The following RICTOR variants were observed in gnomAD, a reference collection of about 807,000 sequenced individuals.
RICTOR encodes the protein rapamycin-insensitive companion of mTOR.
A neutral mutation model predicts 214.9 loss-of-function variants in RICTOR; 49 were observed. The observed-to-expected ratio is 0.23, with a 90% CI of 0.18 to 0.29. The LOEUF is 0.29. Ranked by LOEUF, RICTOR falls within the 10% of genes least tolerant of loss-of-function variation. RICTOR has a pLI of 1.00. For synonymous variants in RICTOR, 717 were observed against 711.3 expected (o/e 1.01, Z -0.13); for missense variants, 1,625 against 2,047.0 (o/e 0.79, Z 3.98).
At chr5:39,010,427 G>C (rs1754417236) in intron 3 of RICTOR, among the ~76,000 whole-genome samples, 1 of 152,202 alleles carries the variant, frequency 6.6e-6, no homozygotes, top group Admixed American at 6.5e-5. Flanking sequence ...ACCACAGAGA[G>C]TGGGGCACTG....
Position 38,962,597 on chromosome 5 carries a change from C to T in RICTOR, c.1567-11G>A. On this transcript the variant is annotated splice_polypyrimidine_tract_variant and intron_variant, in intron 17 of 37. Transcript: ENST00000357387. ...AGCTTCCTCTGTATCCTAAAATCAT[C>T]AGAAAGTAATAAGAAAAATTAAGGC... 1.4e-6 allele frequency: 2 copies of T among 1,405,606 alleles called. No homozygotes were observed. Among genetic ancestry groups the T allele is most frequent in the Non-Finnish European group, 2.0e-6 (2 of 1,019,904 alleles). 87.1% of individuals were successfully genotyped at this position (1,405,606 alleles called of 1,614,324 possible).
chr5:38,975,804 C>T (rs1280704040), intron 9 of RICTOR, among the ~76,000 whole-genome samples, 200 bp from the exon 10 acceptor site: 4 of 152,184 alleles, frequency 2.6e-5, no homozygotes, highest in African/African-American at 4.8e-5. Context: ...CTCACAACAT[C>T]GTTTAAGTCA....
intron 19 of RICTOR, among the ~76,000 whole-genome samples, chr5:38,961,992 T>C (rs1749833802): frequency 6.6e-6 from 1 of 152,064 alleles, no homozygotes; most frequent in Non-Finnish European, 1.5e-5. Context: ...ATTAAAAATA[T>C]AAGTCCTTAT....
At chr5:38,986,381 G>C (rs1458004738) in intron 7 of RICTOR, among the ~76,000 whole-genome samples, 1 of 152,082 alleles carries the variant, frequency 6.6e-6, no homozygotes, top group Non-Finnish European at 1.5e-5. Flanking sequence ...TCATAATAGT[G>C]TGAAAATGAA....
rs1280492323 is a variant in RICTOR at position 38,944,552 on chromosome 5, C to T, written c.4807G>A (p.Asp1603Asn). Residue 1603 changes from aspartate to asparagine, a missense_variant, in exon 36 of 38, where the codon GAT becomes AAT. Physicochemically the swap from Asp to Asn is conservative, Grantham distance 23. Coordinates refer to ENST00000357387, the MANE Select transcript of RICTOR (RefSeq NM_152756.5). Reference sequence around the variant, plus strand: ...AGTATACGGCACATTGGTGTATCATCTGGAATTGTTTTAACACCTGAAAAG... The same window carrying T: ...AGTATACGGCACATTGGTGTATCATTTGGAATTGTTTTAACACCTGAAAAG... ...ELLLGVKTIPDDTPMCRILLR... is the reference protein window; with the variant it reads ...ELLLGVKTIPNDTPMCRILLR... The T allele has an allele frequency of 5.0e-6, 8 of 1,601,766 alleles. No individual in the cohort carries two copies. Among genetic ancestry groups the T allele is most frequent in the Non-Finnish European group, 6.0e-6 (7 of 1,176,206 alleles).
rs1750224445 is a variant in RICTOR, at chr5:38,966,418, AT to A, written c.1299+222del. ...ACTTTGCATGTTGTATATTTATTCC[AT>A]TTACAAAACCAATCAAAATATGCAT... On this transcript the variant is annotated intron_variant, in intron 15 of 37. Coordinates refer to ENST00000357387, the MANE Select transcript of RICTOR (RefSeq NM_152756.5). 2.0e-5 allele frequency among the ~76,000 whole-genome samples: 3 copies of A among 152,384 alleles called. No individual in the cohort carries two copies. In the South Asian group the frequency reaches 6.2e-4, roughly 32 times the overall value.
chr5:38,942,447 A>T (rs77756526), intron 37 of RICTOR, 69 bp from the exon 38 acceptor site: 1 of 850,874 alleles, frequency 1.2e-6, no homozygotes, highest in Non-Finnish European at 1.7e-6. Flanking sequence ...TTATATAAAT[A>T]TCTAATTTTT....
chr5:39,026,022 G>A (rs952593639), intron 2 of RICTOR, among the ~76,000 whole-genome samples: 4 of 152,132 alleles, frequency 2.6e-5, no homozygotes, highest in Admixed American at 2.0e-4. Context: ...GAAACTTAAA[G>A]AGAGGTTTAC....
intron 3 of RICTOR, among the ~76,000 whole-genome samples, chr5:39,007,822 T>C (rs1754196037): frequency 6.7e-6 from 1 of 150,364 alleles, no homozygotes; most frequent in African/African-American, 2.4e-5. Context: ...TTAAATATTG[T>C]ATATTACTAT....
intron 9 of RICTOR, among the ~76,000 whole-genome samples, chr5:38,977,107 G>C (rs1751300796): frequency 6.6e-6 from 1 of 152,260 alleles, no homozygotes. Flanking sequence ...TGCCTTTGCA[G>C]AGGGAGAAGA....
chr5:38,951,258 C>T (rs1748763315), intron 30 of RICTOR, among the ~76,000 whole-genome samples: 1 of 151,880 alleles, frequency 6.6e-6, no homozygotes, highest in Non-Finnish European at 1.5e-5. Flanking sequence ...ATTTAGTGCC[C>T]AATTCTACTA....
intron 7 of RICTOR, among the ~76,000 whole-genome samples, chr5:38,989,009 A>C (rs950160361): frequency 6.6e-6 from 1 of 152,006 alleles, no homozygotes; most frequent in Non-Finnish European, 1.5e-5. Context: ...ATTGGAAAAA[A>C]TACTTTAAAT....
intron 26 of RICTOR, among the ~76,000 whole-genome samples, chr5:38,955,162 T>G (rs1749150055): frequency 6.6e-6 from 1 of 152,028 alleles, no homozygotes; most frequent in African/African-American, 2.4e-5. Context: ...TAACACTGCA[T>G]AAAATTATGT....
chr5:39,027,008 C>T (rs765352523), intron 2 of RICTOR, among the ~76,000 whole-genome samples: 3 of 151,484 alleles, frequency 2.0e-5, no homozygotes, highest in Non-Finnish European at 4.4e-5. Context: ...AACCCCATCT[C>T]AAAAAAATAA....
intron 7 of RICTOR, among the ~76,000 whole-genome samples, chr5:38,984,491 C>CT (rs149264112): frequency 6.6e-6 from 1 of 152,034 alleles, no homozygotes; most frequent in Non-Finnish European, 1.5e-5. Context: ...GAAAAATTAT[C>CT]TTTGAGTATA....
At chr5:39,043,746 G>T (rs1279717969) in intron 2 of RICTOR, among the ~76,000 whole-genome samples, 1 of 152,136 alleles carries the variant, frequency 6.6e-6, no homozygotes, top group East Asian at 1.9e-4. Flanking sequence ...GAGGTGACTG[G>T]ATCATGAAGG....
rs565038430 is a variant in RICTOR at position 38,942,680 on chromosome 5, T to C, written c.5052+153A>G. On this transcript the variant is annotated intron_variant, in intron 37 of 37. Transcript: ENST00000357387. ...TATGTTGCCCAGGCTGGTCTTGAAT[T>C]CCTGGGCTCAAGCAATTCTCCCGCG... 5.3e-5 allele frequency among the ~76,000 whole-genome samples: 8 copies of C among 151,732 alleles called. No homozygotes were observed. The South Asian group carries it at 1.7e-3, about 32-fold the overall frequency.
Position 38,977,774 on chromosome 5 carries a change from ACGGG to A in RICTOR, c.821+805_821+808del. Among the ~76,000 whole-genome samples, 5 of 151,774 alleles carry A rather than the reference ACGGG, an allele frequency of 3.3e-5. No individual in the cohort carries two copies. The Middle Eastern group carries it at 0.017, about 516-fold the overall frequency. On this transcript the variant is annotated intron_variant, in intron 9 of 37. Coordinates refer to ENST00000357387, the MANE Select transcript of RICTOR (RefSeq NM_152756.5). ...AATTTTTTTTGTATTTTTAGTAGAG[ACGGG>A]GTTTCACCAGATTGGTCAGGCTGGT... is the stretch of plus-strand genomic sequence containing the variant.
chr5:39,060,976 A>C (rs1758502212), intron 2 of RICTOR, among the ~76,000 whole-genome samples: 1 of 152,004 alleles, frequency 6.6e-6, no homozygotes, highest in Non-Finnish European at 1.5e-5. Flanking sequence ...GTATTAATAC[A>C]TATTCTCCTA....
Sources: allele counts gnomAD v4.1 joint callset (sites outside exome capture counted in the v4.1 genomes callset), GRCh38; gene constraint gnomAD v4.1.1; transcripts MANE v1.5; gene names NCBI Gene and HGNC (gene_info 2026-07-23, HGNC 2026-07-21).